Variants in SPTBN1 observed in about 807,000 individuals in gnomAD.
SPTBN1 encodes spectrin beta, non-erythrocytic 1.
In SPTBN1, 32 loss-of-function variants were observed where a neutral mutation model predicts 266.4. The observed-to-expected ratio is 0.12, with a 90% CI of 0.09 to 0.16. The LOEUF is 0.16. Among genes scored for constraint, SPTBN1 ranks in the 10% least tolerant of loss-of-function variants. The pLI is 1.00. For synonymous variants in SPTBN1, 1,336 were observed against 1,162.2 expected (o/e 1.15, Z -3.04); for missense variants, 2,296 against 3,067.1 (o/e 0.75, Z 5.94).
rs560810962 is a variant in SPTBN1, at chr2:54,598,716, C to T, written c.149-376C>T. On this transcript the variant is annotated intron_variant, in intron 2 of 35. Coordinates refer to ENST00000356805, the MANE Select transcript of SPTBN1 (RefSeq NM_003128.3). ...GGTATAGGGCAGGACTGCAAAGGAC[C>T]CTGTTGTCATCTGCATCCTGCTGCC... Among the ~76,000 whole-genome samples, 7 of 152,210 alleles carry T rather than the reference C, an allele frequency of 4.6e-5. No homozygotes were observed. The South Asian group carries it at 1.0e-3, about 23-fold the overall frequency.
At chr2:54,667,406 C>T (rs1254107958) in intron 34 of SPTBN1, among the ~76,000 whole-genome samples, 198 bp from the exon 35 acceptor site, 2 of 152,082 alleles carry the variant, frequency 1.3e-5, no homozygotes, top group African/African-American at 2.4e-5. Flanking sequence ...ATCATTGGCG[C>T]GATTATATGG....
intron 2 of SPTBN1, among the ~76,000 whole-genome samples, chr2:54,555,091 GTC>G (rs1672788793): frequency 1.3e-5 from 2 of 152,114 alleles, no homozygotes; most frequent in African/African-American, 4.8e-5. Flanking sequence ...TCCTCTTTGA[GTC>G]TCTCTCCTTA....
chr2:54,470,581 A>C (rs937548484), intron 1 of SPTBN1, among the ~76,000 whole-genome samples: 1 of 152,244 alleles, frequency 6.6e-6, no homozygotes, highest in Non-Finnish European at 1.5e-5. Flanking sequence ...GGCTTCAAAA[A>C]ACATTCCATT....
rs192858933 is a variant in SPTBN1, at chr2:54,623,222, G to A, written c.1065-257G>A. On this transcript the variant is annotated intron_variant, in intron 9 of 35. Coordinates refer to ENST00000356805, the MANE Select transcript of SPTBN1 (RefSeq NM_003128.3). Reference sequence around the variant, plus strand: ...GTAAGTCCATTGTCCAGGATTTGGGGTTTAAACCTTGATTTAAGTGAATAC... The same window carrying A: ...GTAAGTCCATTGTCCAGGATTTGGGATTTAAACCTTGATTTAAGTGAATAC... 2.6e-5 allele frequency among the ~76,000 whole-genome samples: 4 copies of A among 152,232 alleles called. No homozygotes were observed. In the East Asian group the frequency reaches 5.8e-4, roughly 22 times the overall value.
chr2:54,558,424 G>A lies in SPTBN1; in HGVS notation c.148+31858G>A. 1 of 1,020,790 alleles carries A rather than the reference G, an allele frequency of 9.8e-7. No individual in the cohort carries two copies. Among genetic ancestry groups the A allele is most frequent in the Non-Finnish European group, 1.2e-6 (1 of 853,252 alleles). 63.2% of individuals were successfully genotyped at this position (1,020,790 alleles called of 1,614,324 possible). Reference sequence around the variant, plus strand: ...GCGCGCTGCGCCCGCGAGCTCCCGGGCTCGGCAACCGTGGCATGCTTAGGA... The same window carrying A: ...GCGCGCTGCGCCCGCGAGCTCCCGGACTCGGCAACCGTGGCATGCTTAGGA... On this transcript the variant is annotated intron_variant, in intron 2 of 35. Transcript: ENST00000356805. This position sits in a 1 kb window ranked among gnomAD's most constrained non-coding sequence, Gnocchi z 4.6.
chr2:54,459,503 A>G (rs1693245494), intron 1 of SPTBN1, among the ~76,000 whole-genome samples: 1 of 152,256 alleles, frequency 6.6e-6, no homozygotes, highest in African/African-American at 2.4e-5. Context: ...TACTGCTAAC[A>G]TAGACATGAT....
At chr2:54,556,630 T>C (rs1377148441) in intron 2 of SPTBN1, among the ~76,000 whole-genome samples, 1 of 149,770 alleles carries the variant, frequency 6.7e-6, no homozygotes, top group Non-Finnish European at 1.5e-5. Context: ...AAGATCTTCA[T>C]TGAGACGGTT....
chr2:54,513,064 T>TGC (rs1330451914), intron 1 of SPTBN1, among the ~76,000 whole-genome samples: 1 of 152,104 alleles, frequency 6.6e-6, no homozygotes, highest in Non-Finnish European at 1.5e-5. Context: ...TGGTGGTGTG[T>TGC]GCCAGTGGTT....
rs545014670 is a variant in SPTBN1 at position 54,561,681 on chromosome 2, TTA to T, written c.148+35118_148+35119del. Among the ~76,000 whole-genome samples, 369 of 141,166 alleles carry T rather than the reference TTA, an allele frequency of 2.6e-3. 1 individual carries two copies. Among genetic ancestry groups the T allele is most frequent in the Admixed American group, 6.3e-3 (92 of 14,648 alleles). 92.6% of individuals were successfully genotyped at this position (141,166 alleles called of 152,430 possible). On this transcript the variant is annotated intron_variant, in intron 2 of 35. Transcript: ENST00000356805. ...TTATAGCGATTTATAGTTTATAAAT[TTA>T]TAGAGATATTATAAATTTATAGTTT...
chr2:54,511,796 A>G (rs539717395), intron 1 of SPTBN1, among the ~76,000 whole-genome samples: 1 of 152,132 alleles, frequency 6.6e-6, no homozygotes, highest in African/African-American at 2.4e-5. Flanking sequence ...TCTTGAACCC[A>G]AGAGGTGGAG....
intron 2 of SPTBN1, among the ~76,000 whole-genome samples, chr2:54,598,538 T>A (rs1676257026): frequency 6.6e-6 from 1 of 152,210 alleles, no homozygotes; most frequent in Admixed American, 6.5e-5. Flanking sequence ...AGTTAATTTA[T>A]CTTGTCCAGT....
chr2:54,527,300 A>G (rs567918931), intron 2 of SPTBN1: 1 of 152,374 alleles, frequency 6.6e-6, no homozygotes, highest in Admixed American at 6.5e-5. Flanking sequence ...ATTTCAAATG[A>G]AATTTCAGAT....
chr2:54,557,202 A>G (rs570104265), intron 2 of SPTBN1, among the ~76,000 whole-genome samples: 58 of 152,330 alleles, frequency 3.8e-4, no homozygotes, highest in Admixed American at 6.5e-4. Context: ...AAGCCTGGAC[A>G]GGATGCAGTT....
intron 4 of SPTBN1, 37 bp downstream of exon 4, chr2:54,612,371 C>A (rs1046475531): frequency 6.3e-7 from 1 of 1,578,796 alleles, no homozygotes; most frequent in East Asian, 2.3e-5. Flanking sequence ...AGAACTTAGG[C>A]CGACCTCTCA....
chr2:54,529,851 CCAAAAAAAAAA>C, intron 2 of SPTBN1: 1 of 59,522 alleles, frequency 1.7e-5, no homozygotes, highest in African/African-American at 8.2e-5. Flanking sequence ...TCTCTTTTCA[CCAAAAAAAAAA>C]AAAAAAAAAA....
At chr2:54,567,428 C>T (rs1483703468) in intron 2 of SPTBN1, among the ~76,000 whole-genome samples, 1 of 152,106 alleles carries the variant, frequency 6.6e-6, no homozygotes. Context: ...CAACCCTCTA[C>T]CTCTTGGGCT....
intron 1 of SPTBN1, among the ~76,000 whole-genome samples, chr2:54,522,063 ATTT>A (rs1025559864): frequency 7.0e-6 from 1 of 142,860 alleles, no homozygotes; most frequent in Non-Finnish European, 1.5e-5. Flanking sequence ...ACAGCTGGCT[ATTT>A]TTTTTTTTTA....
At chr2:54,560,594 T>A (rs1673233656) in intron 2 of SPTBN1, among the ~76,000 whole-genome samples, 1 of 152,228 alleles carries the variant, frequency 6.6e-6, no homozygotes, top group South Asian at 2.1e-4. Context: ...TTTTACCTCA[T>A]ACGCTGTTTC....
At chr2:54,578,883 G>T (rs1349776005) in intron 2 of SPTBN1, among the ~76,000 whole-genome samples, 5 of 151,930 alleles carry the variant, frequency 3.3e-5, no homozygotes, top group Non-Finnish European at 5.9e-5. Flanking sequence ...TGCTGGGTTT[G>T]TTCTCTTCTA....
Sources: allele counts gnomAD v4.1 joint callset (sites outside exome capture counted in the v4.1 genomes callset), GRCh38; gene constraint gnomAD v4.1.1; non-coding constraint Gnocchi (gnomAD v3.1); transcripts MANE v1.5; gene names NCBI Gene and HGNC (gene_info 2026-07-23, HGNC 2026-07-21).